RASSF3: variants seen among roughly 807,000 people sequenced by gnomAD.
RASSF3 encodes the protein Ras association domain family member 3, also known as ras association domain-containing protein 3.
RASSF3 carries 19 observed loss-of-function variants against 19.9 expected under a neutral mutation model. The observed-to-expected ratio is 0.96, with a 90% confidence interval of 0.67 to 1.40. The LOEUF (loss-of-function observed/expected upper bound fraction) is 1.40, where lower values mean the gene tolerates loss of function less well. RASSF3 is among the 40% of genes most tolerant of loss of function. The pLI is 0.00. For missense variants in RASSF3, 306 were observed against 289.8 expected, an observed-to-expected ratio of 1.06 and a Z score of -0.41; for synonymous variants, 110 against 104.2, an observed-to-expected ratio of 1.06 and a Z score of -0.34.
At chr12:64,539,400 C>A (rs1216960344) in intron 1 of RASSF3, among the ~76,000 whole-genome samples, 1 of 152,152 alleles carries the variant, frequency 6.6e-6, no homozygotes, top group Non-Finnish European at 1.5e-5. Flanking sequence ...AATTAAGTTT[C>A]CAACACATGA....
chr12:64,582,208 C>A (rs1869714997), intron 2 of RASSF3, among the ~76,000 whole-genome samples: 1 of 152,136 alleles, frequency 6.6e-6, no homozygotes, highest in Admixed American at 6.6e-5. Flanking sequence ...CAAAGATCCC[C>A]TAACCAAAAG....
intron 1 of RASSF3, among the ~76,000 whole-genome samples, chr12:64,653,883 C>T (rs977847914): frequency 5.9e-5 from 9 of 152,094 alleles, no homozygotes; most frequent in Admixed American, 2.6e-4. Context: ...AGTAGTGTAT[C>T]TAGAGAGCAC....
intron 1 of RASSF3, among the ~76,000 whole-genome samples, chr12:64,662,383 T>G (rs1242837866): frequency 6.6e-6 from 1 of 152,288 alleles, no homozygotes; most frequent in African/African-American, 2.4e-5. Context: ...ATTGTACCAC[T>G]GCACTCCAGC....
Position 64,688,374 on chromosome 12 carries a change from G to C in RASSF3, c.378G>C (p.Glu126Asp). 1 of 1,614,196 alleles carries C rather than the reference G, an allele frequency of 6.2e-7. No individual in the cohort carries two copies. The highest frequency in any genetic ancestry group is 8.5e-7 in the Non-Finnish European group (1 of 1,180,038). ...SSTNTVGEVIEALLKKFLVTE... is the reference protein window; with the variant it reads ...SSTNTVGEVIDALLKKFLVTE... ...CAAACACTGTCGGGGAAGTGATCGA[G>C]GCCCTGCTCAAAAAGTTTCTCGTGA... The change falls in exon 3 of 5, where the codon GAG becomes GAC. Residue 126 changes from glutamate (E) to aspartate (D), a missense_variant. By Grantham distance (45) the Glu-to-Asp change is conservative (BLOSUM62 2). Coordinates refer to ENST00000542104, the MANE Select transcript of RASSF3 (RefSeq NM_178169.4).
At chr12:64,570,954 A>C (rs1402579830) in intron 2 of RASSF3, among the ~76,000 whole-genome samples, 4 of 152,158 alleles carry the variant, frequency 2.6e-5, no homozygotes, top group African/African-American at 9.7e-5. Context: ...GCAGTGGCTC[A>C]TGCCTGTAAT....
In RASSF3 at chr12:64,626,525, T is replaced by G. The variant is rs577400927; in HGVS notation, c.111+15782T>G. The stretch of plus-strand genomic sequence containing the variant: ...AAAAAAGAAAAAAAAAGAAAAAGAT[T>G]AACAGTATTTCTAATGGTATTAGAA... On this transcript the variant is annotated intron_variant, in intron 1 of 4. Transcript: ENST00000542104. Among the ~76,000 whole-genome samples, 31 of 151,906 alleles carry G rather than the reference T, an allele frequency of 2.0e-4. No individual in the cohort carries two copies. The South Asian group carries it at 6.4e-3, about 32-fold the overall frequency.
At chr12:64,682,391 G>GA (rs529441183) in intron 1 of RASSF3, among the ~76,000 whole-genome samples, 32 of 152,138 alleles carry the variant, frequency 2.1e-4, no homozygotes, top group South Asian at 1.5e-3. Flanking sequence ...CTAATACGGT[G>GA]AAACCCCGTC....
intron 2 of RASSF3, among the ~76,000 whole-genome samples, chr12:64,551,295 T>C (rs1050710906): frequency 1.2e-4 from 19 of 152,068 alleles, no homozygotes; most frequent in African/African-American, 4.6e-4. Flanking sequence ...ACATGCAAAA[T>C]GTATTTAATA....
intron 1 of RASSF3, among the ~76,000 whole-genome samples, chr12:64,508,357 A>C (rs1024410978): frequency 6.6e-6 from 1 of 151,700 alleles, no homozygotes; most frequent in Non-Finnish European, 1.5e-5. Context: ...TGTACTAAAA[A>C]TACAAAAAAA....
intron 3 of RASSF3, among the ~76,000 whole-genome samples, chr12:64,690,058 G>A (rs1868259389): frequency 6.6e-6 from 1 of 151,902 alleles, no homozygotes; most frequent in African/African-American, 2.4e-5. Context: ...CAAAGTGCTG[G>A]GATTGCAGGT....
intron 1 of RASSF3, among the ~76,000 whole-genome samples, chr12:64,646,935 G>A (rs910445760): frequency 6.6e-6 from 1 of 152,138 alleles, no homozygotes; most frequent in African/African-American, 2.4e-5. Context: ...TAAAGTATAT[G>A]TATCTTTGCT....
chr12:64,538,485 A>C (rs777758161), intron 1 of RASSF3, among the ~76,000 whole-genome samples: 1 of 152,182 alleles, frequency 6.6e-6, no homozygotes, highest in Non-Finnish European at 1.5e-5. Context: ...GTTTTTAGGC[A>C]TCTTTCAAAT....
At chr12:64,636,243 A>G (rs1193232652) in intron 1 of RASSF3, among the ~76,000 whole-genome samples, 3 of 151,744 alleles carry the variant, frequency 2.0e-5, no homozygotes, top group African/African-American at 7.3e-5. Flanking sequence ...CAGCCTCCCA[A>G]GGCTCCCATT....
At chr12:64,679,065 T>G (rs1456737716) in intron 1 of RASSF3, among the ~76,000 whole-genome samples, 1 of 152,136 alleles carries the variant, frequency 6.6e-6, no homozygotes, top group Non-Finnish European at 1.5e-5. Context: ...CAGTCACTCG[T>G]TTTTTGAAGC....
chr12:64,688,130 T>TC, intron 2 of RASSF3, 86 bp from the exon 3 acceptor site: 1 of 901,032 alleles, frequency 1.1e-6, no homozygotes, highest in South Asian at 1.4e-5. Flanking sequence ...AAGGAGTGTT[T>TC]CACCTTCCCG....
chr12:64,652,656 C>A (rs1351500165), intron 1 of RASSF3, among the ~76,000 whole-genome samples: 1 of 152,128 alleles, frequency 6.6e-6, no homozygotes, highest in Non-Finnish European at 1.5e-5. Context: ...GCTCTTAATT[C>A]AGTGTTGTTT....
chr12:64,657,666 G>T (rs568828301), intron 1 of RASSF3, among the ~76,000 whole-genome samples: 44 of 152,200 alleles, frequency 2.9e-4, no homozygotes, highest in Non-Finnish European at 5.7e-4. Flanking sequence ...CACCCATGGA[G>T]CATCTCTTGT....
chr12:64,632,212 G>A (rs1871190769), intron 1 of RASSF3, among the ~76,000 whole-genome samples: 1 of 152,064 alleles, frequency 6.6e-6, no homozygotes, highest in Non-Finnish European at 1.5e-5. Context: ...GAGTGCTGGG[G>A]TATTTGGGAC....
At chr12:64,531,644 G>A (rs941613811), upstream of RASSF3, among the ~76,000 whole-genome samples, 1 of 152,098 alleles carries the variant, frequency 6.6e-6, no homozygotes, top group East Asian at 1.9e-4. Flanking sequence ...AAAAAATAAT[G>A]TTGCCTTTCT....
Sources: allele counts gnomAD v4.1 joint callset (sites outside exome capture counted in the v4.1 genomes callset), GRCh38; gene constraint gnomAD v4.1.1; transcripts MANE v1.5; gene names NCBI Gene and HGNC (gene_info 2026-07-23, HGNC 2026-07-21).